TMTC2: variants seen among roughly 807,000 people sequenced by gnomAD.
The protein encoded by TMTC2 is protein O-mannosyl-transferase TMTC2.
TMTC2 carries 43 observed loss-of-function variants against 82.4 expected under a neutral mutation model. The ratio of observed to expected loss-of-function variants is 0.52; its 90% CI spans 0.41 to 0.67. The LOEUF (loss-of-function observed/expected upper bound fraction) is 0.67, where lower values mean the gene tolerates loss of function less well. Ranked by LOEUF, TMTC2 falls within the 30% of genes least tolerant of loss-of-function variation. TMTC2 has a pLI of 0.00. For synonymous variants in TMTC2, 408 were observed against 381.9 expected (o/e 1.07, Z -0.80); for missense variants, 919 against 1,012.4 (o/e 0.91, Z 1.25).
chr12:82,833,518 A>T (rs1394432803), intron 1 of TMTC2, among the ~76,000 whole-genome samples: 2 of 152,190 alleles, frequency 1.3e-5, no homozygotes, highest in African/African-American at 2.4e-5. Flanking sequence ...AAACATATCT[A>T]TTTCTTTTTC....
chr12:82,845,309 C>G (rs1428937877), intron 1 of TMTC2, among the ~76,000 whole-genome samples: 1 of 134,544 alleles, frequency 7.4e-6, no homozygotes, highest in Non-Finnish European at 1.5e-5. Context: ...ACCACAAATA[C>G]CACAAATCCT....
intron 3 of TMTC2, among the ~76,000 whole-genome samples, chr12:82,920,384 A>G (rs1252034367): frequency 1.3e-5 from 2 of 152,154 alleles, no homozygotes; most frequent in Non-Finnish European, 2.9e-5. Context: ...AGATCACAGC[A>G]TTTCTAGAGG....
intron 4 of TMTC2, among the ~76,000 whole-genome samples, chr12:82,951,936 GA>G (rs974795015): frequency 4.0e-5 from 6 of 150,418 alleles, no homozygotes; most frequent in African/African-American, 1.2e-4. Context: ...TATGATTTGA[GA>G]AAAAAAAATA....
At position 82,962,825 on chromosome 12, in the gene TMTC2, T is replaced by C. The variant is rs530158323; in HGVS notation, c.1599-2199T>C. Among the ~76,000 whole-genome samples the C allele has an allele frequency of 2.0e-5, 3 of 152,140 alleles. No homozygotes were observed. The East Asian group carries it at 5.8e-4, about 29-fold the overall frequency. On this transcript the variant is annotated intron_variant, in intron 4 of 11. Coordinates refer to ENST00000321196, the MANE Select transcript of TMTC2 (RefSeq NM_152588.3). ...TATCCACAGAGACTGTATTTATTCC[T>C]AGAGACAAGTACAAAATCCTGTAAA...
At chr12:83,028,616 C>T (rs556663934) in intron 8 of TMTC2, among the ~76,000 whole-genome samples, 1 of 152,232 alleles carries the variant, frequency 6.6e-6, no homozygotes, top group Non-Finnish European at 1.5e-5. Flanking sequence ...ATCACATGCT[C>T]TGCCTGTCCT....
At chr12:82,711,756 A>G (rs1873630026) in intron 1 of TMTC2, among the ~76,000 whole-genome samples, 1 of 152,272 alleles carries the variant, frequency 6.6e-6, no homozygotes, top group African/African-American at 2.4e-5. Flanking sequence ...TGCAGCAGAT[A>G]GAAGTGTGTA....
chr12:83,121,673 G>A (rs548526766), intron 11 of TMTC2, among the ~76,000 whole-genome samples: 4 of 152,162 alleles, frequency 2.6e-5, no homozygotes, highest in South Asian at 4.1e-4. Context: ...ATAAGCTGTG[G>A]TAGTATGGGG....
intron 11 of TMTC2, among the ~76,000 whole-genome samples, chr12:83,066,811 A>G (rs533633200): frequency 1.1e-3 from 168 of 152,100 alleles, no homozygotes; most frequent in Non-Finnish European, 1.9e-3. Flanking sequence ...AATACCACAA[A>G]TATAAAAAAA....
At chr12:82,701,182 A>G (rs529995900) in intron 1 of TMTC2, among the ~76,000 whole-genome samples, 154 of 152,314 alleles carry the variant, frequency 1.0e-3, no homozygotes, top group African/African-American at 3.5e-3. Flanking sequence ...GAATGATTCT[A>G]TTCTACAGTA....
rs1311796095 is a variant in TMTC2 at position 82,722,982 on chromosome 12, CATTCAACTTTTCTGT to C, written c.83+35315_83+35329del. 1.9e-4 allele frequency among the ~76,000 whole-genome samples: 29 copies of C among 152,240 alleles called. No homozygotes were observed. In the South Asian group the frequency reaches 3.3e-3, roughly 17 times the overall value. On this transcript the variant is annotated intron_variant, in intron 1 of 11. Coordinates refer to ENST00000321196, the MANE Select transcript of TMTC2 (RefSeq NM_152588.3). ...ATTGTCATTGGGATTTAACATGTTC[CATTCAACTTTTCTGT>C]AAAACTGTAGTTTTTTCATGGAAAA...
intron 1 of TMTC2, among the ~76,000 whole-genome samples, chr12:82,808,899 C>T (rs1490019434): frequency 1.3e-5 from 2 of 151,622 alleles, no homozygotes; most frequent in Non-Finnish European, 2.9e-5. Context: ...TTGTCCATTA[C>T]TATATAAAAT....
chr12:82,834,362 A>G (rs530065883), intron 1 of TMTC2, among the ~76,000 whole-genome samples: 2 of 152,346 alleles, frequency 1.3e-5, no homozygotes, highest in Non-Finnish European at 2.9e-5. Context: ...TGTCTATTGT[A>G]GCCCTTGTAA....
intron 9 of TMTC2, among the ~76,000 whole-genome samples, chr12:83,031,230 T>G (rs116164256): frequency 0.078 from 11,909 of 152,212 alleles, 663 homozygotes; most frequent in East Asian, 0.27. Context: ...TTCTAAGTGA[T>G]AACGTATTGC....
At chr12:82,911,837 T>A (rs1874681979) in intron 3 of TMTC2, among the ~76,000 whole-genome samples, 1 of 152,172 alleles carries the variant, frequency 6.6e-6, no homozygotes. Flanking sequence ...CTCAAACTCC[T>A]GTCCTCAAGT....
Position 82,896,461 on chromosome 12 carries a change from T to G in TMTC2, c.1298T>G (p.Leu433Arg), listed in dbSNP as rs1873692857. Residue 433 changes from leucine to arginine, a missense_variant, in exon 3 of 12, where the codon CTA (leucine) becomes CGA (arginine). Leu to Arg is a moderately radical substitution (Grantham distance 102, BLOSUM62 -2). Coordinates refer to ENST00000321196, the MANE Select transcript of TMTC2 (RefSeq NM_152588.3). ...TATATTCCTAGTATGGGCTTCTGCC[T>G]ACTGATTACAGTGGGTGCTAGAGCC... is the stretch of plus-strand genomic sequence containing the variant. Reference protein sequence around the residue: ...VLYIPSMGFCLLITVGARALY... With the variant: ...VLYIPSMGFCRLITVGARALY... 6.2e-7 allele frequency: 1 copy of G among 1,614,088 alleles called. No homozygotes were observed. Among genetic ancestry groups the G allele is most frequent in the South Asian group, 1.1e-5 (1 of 91,084 alleles).
chr12:83,052,766 T>G (rs1882400518), intron 10 of TMTC2, among the ~76,000 whole-genome samples: 1 of 152,190 alleles, frequency 6.6e-6, no homozygotes, highest in South Asian at 2.1e-4. Context: ...TGATTTTTTC[T>G]TAGTTGCCTT....
chr12:82,736,608 C>T (rs1331633777), intron 1 of TMTC2, among the ~76,000 whole-genome samples: 1 of 152,092 alleles, frequency 6.6e-6, no homozygotes, highest in Non-Finnish European at 1.5e-5. Context: ...TTATGTTTTC[C>T]TTCCACAGCC....
At chr12:82,947,488 G>T (rs1258255865) in intron 4 of TMTC2, among the ~76,000 whole-genome samples, 1 of 151,328 alleles carries the variant, frequency 6.6e-6, no homozygotes, top group Non-Finnish European at 1.5e-5. Flanking sequence ...GACTACAGGC[G>T]CCCGCCACCA....
At position 82,845,101 on chromosome 12, in the gene TMTC2, C is replaced by T. The variant is rs1592568739; in HGVS notation, c.84-11909C>T. 4.7e-5 allele frequency among the ~76,000 whole-genome samples: 7 copies of T among 149,410 alleles called. No individual in the cohort carries two copies. In the South Asian group the frequency reaches 1.3e-3, roughly 27 times the overall value. On this transcript the variant is annotated intron_variant, in intron 1 of 11. Transcript: ENST00000321196. ...CAAATTAGCTGGGCGTAGTGGCGGG[C>T]GCCTGTAATCCTAGCTACTTGGGAG...
Sources: gnomAD v4.1 joint callset for allele counts (sites outside exome capture counted in the v4.1 genomes callset) on GRCh38, gnomAD v4.1.1 for gene constraint, MANE v1.5 for transcripts, NCBI Gene and HGNC (gene_info 2026-07-23, HGNC 2026-07-21) for gene names.